The following DHCR24 variants were observed in gnomAD, a reference collection of about 807,000 sequenced individuals.
DHCR24 encodes the protein 24-dehydrocholesterol reductase, also known as delta(24)-sterol reductase.
In DHCR24, 28 loss-of-function variants were observed where a neutral mutation model predicts 61.2. That is an observed-to-expected ratio of 0.46 (90% confidence interval 0.34 to 0.63). The LOEUF (loss-of-function observed/expected upper bound fraction) is 0.63. Ranked by LOEUF, DHCR24 falls within the 20% of genes least tolerant of loss-of-function variation. The pLI, the probability that DHCR24 is intolerant of heterozygous loss-of-function variation, is 0.01. For synonymous variants in DHCR24, 261 were observed against 275.9 expected, an observed-to-expected ratio of 0.95 and a Z score of 0.54; for missense variants, 538 against 679.1, an observed-to-expected ratio of 0.79 and a Z score of 2.31.
intron 4 of DHCR24, among the ~76,000 whole-genome samples, chr1:54,873,051 G>A (rs966696144): frequency 6.6e-6 from 1 of 152,178 alleles, no homozygotes; most frequent in Admixed American, 6.5e-5. Context: ...TAGGTAAAAC[G>A]CTTTAAATGT....
chr1:54,875,427 G>A (rs1647021629), intron 3 of DHCR24, among the ~76,000 whole-genome samples: 1 of 152,102 alleles, frequency 6.6e-6, no homozygotes, highest in Non-Finnish European at 1.5e-5. Flanking sequence ...TAGAGGAAGG[G>A]AGTGGCGAGC....
intron 4 of DHCR24, 69 bp downstream of exon 4, chr1:54,875,024 C>A: frequency 7.2e-7 from 1 of 1,381,232 alleles, no homozygotes; most frequent in Admixed American, 1.7e-5. Flanking sequence ...AGAGGAGCCA[C>A]CTCCCTGACC....
chr1:54,857,734 G>A (rs1485205175), intron 6 of DHCR24, among the ~76,000 whole-genome samples: 1 of 152,166 alleles, frequency 6.6e-6, no homozygotes, highest in Non-Finnish European at 1.5e-5. Context: ...GACAGACCAT[G>A]GAGAAAGAAA....
intron 6 of DHCR24, among the ~76,000 whole-genome samples, chr1:54,862,887 T>C (rs1302019202): frequency 6.6e-6 from 1 of 151,890 alleles, no homozygotes; most frequent in Non-Finnish European, 1.5e-5. Context: ...CCATCCTGGC[T>C]AACATGGTGA....
chr1:54,886,867 G>C (rs1421987975), intron 1 of DHCR24, 22 bp downstream of exon 1: 2 of 1,607,338 alleles, frequency 1.2e-6, no homozygotes, highest in Admixed American at 1.7e-5. Flanking sequence ...CCTGAGTCCC[G>C]GCCGCACCCG....
rs1570195477 is a variant in DHCR24, at chr1:54,872,550, A to G, written c.613-937T>C. Among the ~76,000 whole-genome samples the G allele has an allele frequency of 2.6e-5, 4 of 152,268 alleles. No individual in the cohort carries two copies. In the South Asian group the frequency reaches 8.3e-4, roughly 32 times the overall value. On this transcript the variant is annotated intron_variant, in intron 4 of 8. Coordinates refer to ENST00000371269, the MANE Select transcript of DHCR24 (RefSeq NM_014762.4). Reference sequence around the variant, plus strand: ...GCAGCAGGCTGGCAGAAACCTCAGGAACAGCAGCACTACGCTCACCAATTC... The same window carrying G: ...GCAGCAGGCTGGCAGAAACCTCAGGGACAGCAGCACTACGCTCACCAATTC...
At position 54,854,343 on chromosome 1, in the gene DHCR24, C is replaced by T. The variant is rs185809779; in HGVS notation, c.1021-109G>A. 953 of 904,488 alleles carry T rather than the reference C, an allele frequency of 1.1e-3. 5 individuals are homozygous for T. In the African/African-American group the frequency reaches 0.014, roughly 13 times the overall value. The allele number at this position is 904,488 out of a possible 1,614,324, so 56.0% of individuals were successfully genotyped here. On this transcript the variant is annotated intron_variant, in intron 6 of 8. Coordinates refer to ENST00000371269, the MANE Select transcript of DHCR24 (RefSeq NM_014762.4). ...CCATTCTGTGCTTGACAGAAGCACGCCTGAGTCCAATTCCCCTCTTTGGAG... is the reference window on the plus strand; with the variant it reads ...CCATTCTGTGCTTGACAGAAGCACGTCTGAGTCCAATTCCCCTCTTTGGAG...
At position 54,886,934 on chromosome 1, in the gene DHCR24, G is replaced by A. The variant is rs1570207549; in HGVS notation, c.186C>T (p.Ser62=). 4 of 1,613,502 alleles carry A rather than the reference G, an allele frequency of 2.5e-6. No homozygotes were observed. The highest frequency in any genetic ancestry group is 3.4e-6 in the Non-Finnish European group (4 of 1,179,660). The change falls in exon 1 of 9, where the codon AGC becomes AGT. Residue 62 remains serine (S), a synonymous_variant. Transcript: ENST00000371269. ...CGCGCTGCTCGTGCAGGCGCGGAGC[G>A]CTGCTGAGCTTGAACACCACCCAGG... ...VRAWVVFKLS[S]APRLHEQRVR...
chr1:54,878,162 ATGAGGCTATTACC>A (rs953348907), intron 2 of DHCR24, among the ~76,000 whole-genome samples: 1 of 149,678 alleles, frequency 6.7e-6, no homozygotes, highest in Non-Finnish European at 1.5e-5. Flanking sequence ...GTAAATACAC[ATGAGGCTATTACC>A]TGAGGCTGAA....
intron 6 of DHCR24, among the ~76,000 whole-genome samples, chr1:54,861,537 C>T (rs958483641): frequency 2.6e-5 from 4 of 152,154 alleles, no homozygotes; most frequent in African/African-American, 4.8e-5. Context: ...ATATCAGTCC[C>T]TTGTCAGTCC....
chr1:54,872,080 C>T (rs569333498), intron 4 of DHCR24, among the ~76,000 whole-genome samples: 30 of 152,298 alleles, frequency 2.0e-4, no homozygotes, highest in Admixed American at 1.3e-3. Context: ...AGTCCATCGG[C>T]TTGTGGGATC....
Position 54,860,757 on chromosome 1 carries a change from G to A in DHCR24, c.1020+4546C>T, listed in dbSNP as rs903046299. ...TCCCAGCACTTTGGGAGGCCGGGGC[G>A]GGCGGATCACGAGGTCAGGAGATCG... is the stretch of plus-strand genomic sequence containing the variant. On this transcript the variant is annotated intron_variant, in intron 6 of 8. Coordinates refer to ENST00000371269, the MANE Select transcript of DHCR24 (RefSeq NM_014762.4). 8.5e-5 allele frequency among the ~76,000 whole-genome samples: 13 copies of A among 152,206 alleles called. No individual in the cohort carries two copies. In the South Asian group the frequency reaches 1.7e-3, roughly 19 times the overall value.
intron 4 of DHCR24, among the ~76,000 whole-genome samples, chr1:54,871,840 G>C (rs1308337118): frequency 1.3e-5 from 2 of 151,880 alleles, no homozygotes; most frequent in African/African-American, 2.4e-5. Flanking sequence ...CCCTCACTGA[G>C]AGAGCATCCT....
intron 6 of DHCR24, among the ~76,000 whole-genome samples, chr1:54,855,522 G>T (rs1646902973): frequency 6.6e-6 from 1 of 152,212 alleles, no homozygotes; most frequent in African/African-American, 2.4e-5. Flanking sequence ...CGCAGGTGTG[G>T]AAGACACAGG....
At chr1:54,879,705 T>A (rs373273252) in intron 2 of DHCR24, among the ~76,000 whole-genome samples, 3 of 152,084 alleles carry the variant, frequency 2.0e-5, no homozygotes, top group South Asian at 2.1e-4. Flanking sequence ...CCAAAGCACA[T>A]CATAATAAAA....
Position 54,887,106 on chromosome 1 carries a change from A to G in DHCR24, c.14T>C (p.Val5Ala). 6.3e-7 allele frequency: 1 copy of G among 1,588,790 alleles called. No individual in the cohort carries two copies. The highest frequency in any genetic ancestry group is 2.3e-5 in the East Asian group (1 of 43,874). MEPA[V>A]SLAVCALLFL... ...GAGCAGCGCGCACACGGCCAGCGAC[A>G]CGGCGGGCTCCATGGTGCGGCGCCG... Residue 5 changes from valine (V) to alanine (A), a missense_variant, in exon 1 of 9, where the codon GTG becomes GCG. Transcript: ENST00000371269.
chr1:54,850,395 A>G lies in DHCR24; in HGVS notation c.*1838T>C, dbSNP rs1392119921. 4 of 152,284 alleles carry G rather than the reference A, an allele frequency of 2.6e-5. No individual in the cohort carries two copies. The highest frequency in any genetic ancestry group is 5.9e-5 in the Non-Finnish European group (4 of 68,080). The allele number at this position is 152,284 out of a possible 1,614,324, so 9.4% of individuals were successfully genotyped here. A position where few individuals can be genotyped will look rare whatever the true frequency, so the allele number is the denominator to read the frequency against. ...CCAGAATTCACATGCTTTGTAAAAT[A>G]TAGGATGAGGTTTATTTCTTTCTTC... On this transcript the variant is annotated 3_prime_UTR_variant, in exon 9 of 9. Coordinates refer to ENST00000371269, the MANE Select transcript of DHCR24 (RefSeq NM_014762.4).
intron 8 of DHCR24, 41 bp from the exon 9 acceptor site, chr1:54,852,427 A>G (rs1646880989): frequency 5.6e-6 from 9 of 1,611,874 alleles, no homozygotes; most frequent in Non-Finnish European, 7.6e-6. Flanking sequence ...CAGGAGGCAC[A>G]CGGAACGCGA....
rs1273423190 is a variant in DHCR24 at position 54,883,991 on chromosome 1, T to C, written c.232-218A>G. Among the ~76,000 whole-genome samples, 3 of 152,184 alleles carry C rather than the reference T, an allele frequency of 2.0e-5. No homozygotes were observed. Among genetic ancestry groups the C allele is most frequent in the Admixed American group, 6.5e-5 (1 of 15,268 alleles). On this transcript the variant is annotated intron_variant, in intron 1 of 8. Transcript: ENST00000371269. The surrounding 1 kb of genome is among the most constrained non-coding windows in gnomAD (Gnocchi z 4.3). The stretch of plus-strand genomic sequence containing the variant: ...ATTGCTACACCACAAGGCAGAATGA[T>C]GAAAGAGCTAGAAGAGAGGATCGAA...
Sources: allele counts gnomAD v4.1 joint callset (sites outside exome capture counted in the v4.1 genomes callset), GRCh38; gene constraint gnomAD v4.1.1; non-coding constraint Gnocchi (gnomAD v3.1); transcripts MANE v1.5; gene names NCBI Gene and HGNC (gene_info 2026-07-23, HGNC 2026-07-21).